PPARGC1A: variants seen among roughly 807,000 people sequenced by gnomAD.
PPARGC1A encodes the protein peroxisome proliferator-activated receptor gamma coactivator 1-alpha.
In PPARGC1A, 25 loss-of-function variants were observed where a neutral mutation model predicts 88.7. That is an observed-to-expected ratio of 0.28 (90% CI 0.21 to 0.39). The LOEUF is 0.39. Ranked by LOEUF, PPARGC1A falls within the 10% of genes least tolerant of loss-of-function variation. The pLI is 1.00. For synonymous variants in PPARGC1A, 363 were observed against 355.6 expected, an observed-to-expected ratio of 1.02 and a Z score of -0.24; for missense variants, 880 against 968.7, an observed-to-expected ratio of 0.91 and a Z score of 1.22.
chr4:23,826,552 G>C (rs1057400280), intron 5 of PPARGC1A, among the ~76,000 whole-genome samples: 2 of 152,074 alleles, frequency 1.3e-5, no homozygotes, highest in African/African-American at 4.8e-5. Flanking sequence ...CCTTAAGAAA[G>C]GTAATTTCAA....
chr4:24,023,167 C>G, the PPARGC1A span, among the ~76,000 whole-genome samples: 1 of 151,980 alleles, frequency 6.6e-6, no homozygotes, highest in Non-Finnish European at 1.5e-5. Flanking sequence ...GGATTTTACT[C>G]CTTTCGTATT....
chr4:23,884,670 T>G (rs574971434), intron 2 of PPARGC1A, 82 bp downstream of exon 2: 132 of 1,212,968 alleles, frequency 1.1e-4, no homozygotes, highest in Non-Finnish European at 1.5e-4. Context: ...AAGAACTCAT[T>G]ATGCATTCAG....
At chr4:23,899,334 G>A (rs1237316242), upstream of PPARGC1A, 1 of 152,180 alleles carries the variant, frequency 6.6e-6, no homozygotes, top group Non-Finnish European at 1.5e-5. Flanking sequence ...ATCATTCAAT[G>A]TTATTTATTA....
chr4:24,465,838 G>A, the PPARGC1A span, among the ~76,000 whole-genome samples: 3 of 152,114 alleles, frequency 2.0e-5, no homozygotes, highest in African/African-American at 7.2e-5. Context: ...TTATAACATG[G>A]CCGGGATGAG....
chr4:23,824,346 T>TG lies in PPARGC1A; in HGVS notation c.810dup (p.Lys271GlnfsTer6). ...GTCTTGTTCTCAAATGGGGAACCCT[T>TG]GGGGTCACTGGAAGATATGGCACAT... is the stretch of plus-strand genomic sequence containing the variant. On this transcript the variant is annotated frameshift_variant, in exon 7 of 13. Transcript: ENST00000264867. LOFTEE classifies it high-confidence loss of function. The TG allele has an allele frequency of 6.2e-7, 1 of 1,613,432 alleles. No homozygotes were observed. The highest frequency in any genetic ancestry group is 1.7e-5 in the Admixed American group (1 of 59,952).
At chr4:24,463,872 A>G in the PPARGC1A span, among the ~76,000 whole-genome samples, 2 of 152,238 alleles carry the variant, frequency 1.3e-5, no homozygotes, top group African/African-American at 4.8e-5. Context: ...ACATACATGC[A>G]CGCATATCCA....
chr4:23,962,107 C>G, the PPARGC1A span, among the ~76,000 whole-genome samples: 1 of 150,958 alleles, frequency 6.6e-6, no homozygotes, highest in African/African-American at 2.5e-5. Context: ...TCCATAACCC[C>G]TCTTCTCATC....
the PPARGC1A span, among the ~76,000 whole-genome samples, chr4:24,074,349 A>G: frequency 1.2e-4 from 18 of 149,004 alleles, no homozygotes; most frequent in African/African-American, 4.6e-4. Flanking sequence ...TATACTTACA[A>G]TTTGCCATGA....
chr4:24,230,148 C>G, the PPARGC1A span, among the ~76,000 whole-genome samples: 1 of 152,144 alleles, frequency 6.6e-6, no homozygotes, highest in Non-Finnish European at 1.5e-5. Context: ...TTGATTGCAG[C>G]GCTGCTCTTA....
intron 2 of PPARGC1A, among the ~76,000 whole-genome samples, chr4:23,854,960 T>G (rs1374032893): frequency 6.6e-6 from 1 of 152,174 alleles, no homozygotes; most frequent in Non-Finnish European, 1.5e-5. Context: ...AAATCTCATC[T>G]TGAATTGTAG....
chr4:23,845,385 T>C (rs545847642), intron 2 of PPARGC1A, among the ~76,000 whole-genome samples: 1 of 152,150 alleles, frequency 6.6e-6, no homozygotes, highest in Non-Finnish European at 1.5e-5. Context: ...TATGTGAAAC[T>C]GTGCAGCTGC....
the PPARGC1A span, among the ~76,000 whole-genome samples, chr4:24,305,134 T>G: frequency 7.3e-5 from 1 of 13,702 alleles, no homozygotes; most frequent in Non-Finnish European, 1.1e-4. Context: ...TATGTGTATG[T>G]ATATATATAT....
chr4:24,406,183 A>G, the PPARGC1A span, among the ~76,000 whole-genome samples: 1 of 152,242 alleles, frequency 6.6e-6, no homozygotes, highest in Non-Finnish European at 1.5e-5. Context: ...TTGCTTGGTC[A>G]GTAAAAATAC....
chr4:24,366,191 A>G, the PPARGC1A span, among the ~76,000 whole-genome samples: 2 of 152,150 alleles, frequency 1.3e-5, no homozygotes, highest in Admixed American at 6.6e-5. Context: ...AAACACCATC[A>G]TCTCCTTCCC....
chr4:24,406,260 T>C, the PPARGC1A span, among the ~76,000 whole-genome samples: 1 of 152,314 alleles, frequency 6.6e-6, no homozygotes, highest in South Asian at 2.1e-4. Context: ...ACAGCCATCT[T>C]CCCACAAGAA....
the PPARGC1A span, among the ~76,000 whole-genome samples, chr4:24,159,756 G>C: frequency 6.6e-6 from 1 of 152,170 alleles, no homozygotes; most frequent in Non-Finnish European, 1.5e-5. Context: ...ACAAGCATCA[G>C]CTGTGCTCTG....
intron 10 of PPARGC1A, among the ~76,000 whole-genome samples, chr4:23,812,397 GAAGT>G (rs527355448): frequency 1.5e-3 from 222 of 152,152 alleles, no homozygotes; most frequent in African/African-American, 5.0e-3. Flanking sequence ...CTCAAAGAGA[GAAGT>G]AACAGGAAAC....
the PPARGC1A span, among the ~76,000 whole-genome samples, chr4:24,340,872 C>A: frequency 6.6e-6 from 1 of 152,148 alleles, no homozygotes; most frequent in Admixed American, 6.5e-5. Flanking sequence ...CCCGCCACTC[C>A]CACTGACAAG....
chr4:24,178,174 A>T, the PPARGC1A span, among the ~76,000 whole-genome samples: 1 of 152,228 alleles, frequency 6.6e-6, no homozygotes, highest in Non-Finnish European at 1.5e-5. Context: ...TCATTTTAAC[A>T]TGCACTGATT....
Sources: allele counts gnomAD v4.1 joint callset (sites outside exome capture counted in the v4.1 genomes callset), GRCh38; gene constraint gnomAD v4.1.1; transcripts MANE v1.5; gene names NCBI Gene and HGNC (gene_info 2026-07-23, HGNC 2026-07-21).